The following GLCCI1 variants were observed in gnomAD, a reference collection of about 807,000 sequenced individuals.
GLCCI1 encodes glucocorticoid induced 1, also known as glucocorticoid-induced transcript 1 protein.
Under a neutral mutation model 52.2 loss-of-function variants are expected in GLCCI1, and 24 were observed. That is an observed-to-expected ratio of 0.46 (90% CI 0.33 to 0.65). GLCCI1 has a LOEUF of 0.65. Among genes scored for constraint, GLCCI1 ranks in the 30% least tolerant of loss-of-function variants. The pLI is 0.02. For synonymous variants in GLCCI1, 310 were observed against 276.5 expected (o/e 1.12, Z -1.20); for missense variants, 704 against 701.5 (o/e 1.00, Z -0.04).
At chr7:8,041,163 T>C (rs1583993787) in intron 3 of GLCCI1, among the ~76,000 whole-genome samples, 2 of 152,336 alleles carry the variant, frequency 1.3e-5, no homozygotes, top group East Asian at 3.9e-4. Flanking sequence ...AACAGCATTA[T>C]TGCTGACACG....
chr7:8,013,869 C>T (rs1485441331), intron 2 of GLCCI1, among the ~76,000 whole-genome samples: 2 of 152,106 alleles, frequency 1.3e-5, no homozygotes, highest in Non-Finnish European at 2.9e-5. Context: ...GTACGATCAT[C>T]CAAATAGTAA....
intron 1 of GLCCI1, among the ~76,000 whole-genome samples, chr7:7,997,419 A>G (rs778655819): frequency 1.6e-4 from 24 of 152,258 alleles, no homozygotes; most frequent in Admixed American, 4.6e-4. Context: ...CCACACCTGT[A>G]TTTATTTATG....
At chr7:8,015,970 C>A (rs1300142610) in intron 2 of GLCCI1, among the ~76,000 whole-genome samples, 1 of 152,174 alleles carries the variant, frequency 6.6e-6, no homozygotes. Flanking sequence ...TAAGCACACT[C>A]TAGGTAAAAT....
intron 6 of GLCCI1, among the ~76,000 whole-genome samples, chr7:8,078,208 T>TGA (rs748716207): frequency 3.5e-5 from 3 of 86,236 alleles, no homozygotes; most frequent in African/African-American, 4.8e-5. Flanking sequence ...GACTCCGTCT[T>TGA]AAAAAAAAAA....
intron 2 of GLCCI1, among the ~76,000 whole-genome samples, chr7:8,021,549 A>T (rs1218996532): frequency 6.6e-6 from 1 of 152,146 alleles, no homozygotes; most frequent in Non-Finnish European, 1.5e-5. Context: ...AGTAGCTGAG[A>T]TTACAGGTGC....
intron 1 of GLCCI1, among the ~76,000 whole-genome samples, chr7:7,970,842 TGTGG>T (rs1316944226): frequency 6.6e-6 from 1 of 152,122 alleles, no homozygotes; most frequent in Admixed American, 6.5e-5. Flanking sequence ...GCTGCTGCAT[TGTGG>T]AGGGAACAGA....
At chr7:8,068,208 G>A (rs1782676093) in intron 5 of GLCCI1, among the ~76,000 whole-genome samples, 1 of 152,182 alleles carries the variant, frequency 6.6e-6, no homozygotes, top group Non-Finnish European at 1.5e-5. Flanking sequence ...ACATTAGCCG[G>A]TCATCGTGGT....
intron 4 of GLCCI1, among the ~76,000 whole-genome samples, chr7:8,057,527 C>T (rs771479849): frequency 4.6e-5 from 7 of 151,960 alleles, no homozygotes; most frequent in South Asian, 2.1e-4. Flanking sequence ...TTTAGGGATG[C>T]GGATTGACCA....
intron 5 of GLCCI1, among the ~76,000 whole-genome samples, chr7:8,063,192 C>T (rs751536023): frequency 1.1e-3 from 160 of 152,084 alleles, no homozygotes; most frequent in Non-Finnish European, 2.0e-3. Context: ...GGTTGGAGTG[C>T]AATGGCGTGA....
chr7:8,026,666 A>G (rs1032591448), intron 3 of GLCCI1, among the ~76,000 whole-genome samples: 1 of 152,256 alleles, frequency 6.6e-6, no homozygotes, highest in Non-Finnish European at 1.5e-5. Flanking sequence ...CAGTACTGCC[A>G]TATCACAGTG....
At chr7:8,084,819 G>A (rs1404459447) in intron 6 of GLCCI1, 78 bp from the exon 7 acceptor site, 5 of 1,480,982 alleles carry the variant, frequency 3.4e-6, no homozygotes, top group Non-Finnish European at 4.7e-6. Context: ...GATAAATTGT[G>A]CAAAAGGCTG....
chr7:8,017,777 C>T (rs978094496), intron 2 of GLCCI1, among the ~76,000 whole-genome samples: 15 of 152,134 alleles, frequency 9.9e-5, no homozygotes, highest in Non-Finnish European at 2.1e-4. Flanking sequence ...CCTTTTTCTA[C>T]ACTCTTTGCT....
chr7:8,069,450 G>T (rs548850067), intron 5 of GLCCI1, among the ~76,000 whole-genome samples: 89 of 152,316 alleles, frequency 5.8e-4, no homozygotes, highest in African/African-American at 2.1e-3. Context: ...GCTTTCGGTT[G>T]CCTCTGGGAG....
chr7:8,085,943 A>T (rs1318655499), intron 7 of GLCCI1, among the ~76,000 whole-genome samples: 1 of 152,200 alleles, frequency 6.6e-6, no homozygotes, highest in Non-Finnish European at 1.5e-5. Flanking sequence ...AAGCAAACTA[A>T]TGATCTCTAA....
chr7:8,013,596 G>A (rs1781314849), intron 2 of GLCCI1, among the ~76,000 whole-genome samples: 1 of 152,076 alleles, frequency 6.6e-6, no homozygotes, highest in Non-Finnish European at 1.5e-5. Context: ...TATGAATTCA[G>A]GGGAATTGTT....
chr7:8,004,513 T>C (rs1388818510), intron 2 of GLCCI1, among the ~76,000 whole-genome samples: 1 of 152,218 alleles, frequency 6.6e-6, no homozygotes, highest in Non-Finnish European at 1.5e-5. Flanking sequence ...AAATTAACTG[T>C]CTCATTTTCC....
chr7:8,047,838 T>G (rs1469379914), intron 3 of GLCCI1, among the ~76,000 whole-genome samples: 3 of 152,206 alleles, frequency 2.0e-5, no homozygotes, highest in African/African-American at 7.2e-5. Flanking sequence ...ACTCCTAAAC[T>G]CCTGTGTTCC....
At chr7:8,013,803 A>G (rs914196310) in intron 2 of GLCCI1, among the ~76,000 whole-genome samples, 46 of 152,058 alleles carry the variant, frequency 3.0e-4, no homozygotes, top group African/African-American at 1.0e-3. Flanking sequence ...GACATCTTCA[A>G]CTTGACTTTT....
chr7:8,065,680 T>A (rs1302317223), intron 5 of GLCCI1, among the ~76,000 whole-genome samples: 1 of 152,146 alleles, frequency 6.6e-6, no homozygotes, highest in Non-Finnish European at 1.5e-5. Context: ...CCGTTTTTAG[T>A]TCTATTTGAT....
Sources: allele counts gnomAD v4.1 joint callset (sites outside exome capture counted in the v4.1 genomes callset), GRCh38; gene constraint gnomAD v4.1.1; transcripts MANE v1.5; gene names NCBI Gene and HGNC (gene_info 2026-07-23, HGNC 2026-07-21).